GPM6B: variants seen among roughly 807,000 people sequenced by gnomAD.
GPM6B encodes the protein glycoprotein M6B.
Under a neutral mutation model 27.2 loss-of-function variants are expected in GPM6B, and 4 were observed. The observed-to-expected ratio is 0.15, with a 90% CI of 0.07 to 0.34. The LOEUF (loss-of-function observed/expected upper bound fraction) is 0.34, where lower values mean the gene tolerates loss of function less well. Ranked by LOEUF, GPM6B falls within the 10% of genes least tolerant of loss-of-function variation. The pLI, the probability that GPM6B is intolerant of heterozygous loss-of-function variation, is 1.00. For synonymous variants in GPM6B, 124 were observed against 103.1 expected, an observed-to-expected ratio of 1.20 and a Z score of -1.23; for missense variants, 183 against 261.9, an observed-to-expected ratio of 0.70 and a Z score of 2.08.
chrX:13,907,350 T>A (rs369110532), intron 1 of GPM6B, among the ~76,000 whole-genome samples: 1 of 112,448 alleles, frequency 8.9e-6, no homozygotes, highest in East Asian at 2.8e-4. Context: ...TAAACCCAGG[T>A]TCGTCTGACT....
intron 1 of GPM6B, among the ~76,000 whole-genome samples, chrX:13,922,967 G>A (rs1249137731): frequency 8.9e-6 from 1 of 112,073 alleles, no homozygotes; most frequent in Non-Finnish European, 1.9e-5. Context: ...CCTGAGGTCA[G>A]GAGTTTGAGA....
intron 4 of GPM6B, among the ~76,000 whole-genome samples, chrX:13,780,566 A>T (rs1289702989): frequency 8.9e-6 from 1 of 112,163 alleles, no homozygotes; most frequent in Admixed American, 9.4e-5. Flanking sequence ...ATAATCACGA[A>T]TACAAGCTTA....
At chrX:13,865,571 G>A (rs375167930) in intron 1 of GPM6B, among the ~76,000 whole-genome samples, 1,279 of 53,478 alleles carry the variant, frequency 0.024, no homozygotes, top group Middle Eastern at 0.053. Flanking sequence ...AAGAAAGAAA[G>A]AAAGAAAAGA....
intron 1 of GPM6B, among the ~76,000 whole-genome samples, chrX:13,914,122 A>C (rs1441757422): frequency 8.9e-6 from 1 of 112,072 alleles, no homozygotes. Flanking sequence ...TTGCAATGTT[A>C]ATGTGGAACA....
At chrX:13,842,936 G>GTGAATTACCAT (rs2049596677) in intron 1 of GPM6B, among the ~76,000 whole-genome samples, 1 of 111,074 alleles carries the variant, frequency 9.0e-6, no homozygotes, top group Admixed American at 9.5e-5. Flanking sequence ...TATTATCATT[G>GTGAATTACCAT]ACATACCATA....
Position 13,772,913 on chromosome X carries a change from G to A in GPM6B, c.955C>T (p.Arg319Trp), listed in dbSNP as rs753890304. ...EEQELQDIQS[R>W]SKEQLNSYT ...TAAGAATTGAGTTGTTCTTTTGACC[G>A]AGACTGGATATCTTGCAGTTCCTGT... The change falls in exon 8 of 8, where the codon CGG becomes TGG. Residue 319 changes from arginine to tryptophan, a missense_variant. Arg to Trp is a moderately radical substitution (Grantham distance 101, BLOSUM62 -3). Transcript: ENST00000316715. 5.0e-6 allele frequency: 6 copies of A among 1,210,305 alleles called. No homozygotes were observed. The East Asian group carries it at 8.9e-5, about 18-fold the overall frequency.
At chrX:13,820,993 G>A (rs1362200749), upstream of GPM6B, among the ~76,000 whole-genome samples, 2 of 111,560 alleles carry the variant, frequency 1.8e-5, no homozygotes, top group African/African-American at 3.3e-5. Context: ...ATTAGAAAAC[G>A]AGGGAAATAA....
At chrX:13,888,666 C>T (rs966183517) in intron 1 of GPM6B, among the ~76,000 whole-genome samples, 2 of 111,745 alleles carry the variant, frequency 1.8e-5, no homozygotes, top group East Asian at 2.8e-4. Flanking sequence ...CCACCACCAA[C>T]CCCCACCCCC....
rs777570768 is a variant in GPM6B at position 13,868,353 on chromosome X, GA to G, written c.-198+69973del. On this transcript the variant is annotated intron_variant, in intron 1 of 6. Coordinates refer to the GPM6B transcript ENST00000398361. ...CACCTCAGCAAAAAGTAAGATGACA[GA>G]GTCTGTTTGGTTTCTGGATTTTGAA... Among the ~76,000 whole-genome samples, 5 of 111,897 alleles carry G rather than the reference GA, an allele frequency of 4.5e-5. 1 individual carries two copies. In the East Asian group the frequency reaches 8.4e-4, roughly 19 times the overall value.
At chrX:13,938,567 G>C (rs11539022), upstream of GPM6B, 1 of 749,114 alleles carries the variant, frequency 1.3e-6, no homozygotes, top group Non-Finnish European at 1.7e-6. Flanking sequence ...CCCCGGGGAC[G>C]GGCAGAGCCG....
intron 2 of GPM6B, among the ~76,000 whole-genome samples, chrX:13,802,980 G>C (rs2048951138): frequency 8.9e-6 from 1 of 112,001 alleles, no homozygotes; most frequent in South Asian, 3.7e-4. Flanking sequence ...ACACGCAGAA[G>C]GATTAAGGGT....
At position 13,823,639 on chromosome X, in the gene GPM6B, C is replaced by A. The variant is rs145507751; in HGVS notation, c.-197-37831G>T. 3.9e-3 allele frequency among the ~76,000 whole-genome samples: 431 copies of A among 110,279 alleles called. 1 individual carries two copies. Among genetic ancestry groups the A allele is most frequent in the South Asian group, 0.024 (60 of 2,510 alleles). Reference sequence around the variant, plus strand: ...AGTTCAAGCGATTCTCCTGCCACAGCCTCCCAAATAGCTGGGACTATAGGC... The same window carrying A: ...AGTTCAAGCGATTCTCCTGCCACAGACTCCCAAATAGCTGGGACTATAGGC... On this transcript the variant is annotated intron_variant, in intron 1 of 6. Transcript: ENST00000398361.
chrX:13,825,052 TTCTTA>T (rs1055158465), intron 1 of GPM6B, among the ~76,000 whole-genome samples: 2 of 112,177 alleles, frequency 1.8e-5, no homozygotes. Context: ...TCTGTGTCTC[TTCTTA>T]TAAGGACACC....
In GPM6B at chrX:13,817,066, A is replaced by G. The variant is rs2049250258; in HGVS notation, c.-162T>C. 8.7e-6 allele frequency: 9 copies of G among 1,038,839 alleles called. No individual in the cohort carries two copies. Among genetic ancestry groups the G allele is most frequent in the Non-Finnish European group, 1.1e-5 (9 of 813,468 alleles). 85.6% of individuals were successfully genotyped at this position (1,038,839 alleles called of 1,213,427 possible). A position where few individuals can be genotyped will look rare whatever the true frequency, so the allele number is the denominator to read the frequency against. ...AGATTACAGTCCCTTCCAAGATGCA[A>G]AAGTCTTGTCAGCGTCAATTTCGCT... On this transcript the variant is annotated 5_prime_UTR_variant, in exon 1 of 8. Transcript: ENST00000316715.
At chrX:13,929,387 C>T (rs1921365537) in intron 1 of GPM6B, among the ~76,000 whole-genome samples, 1 of 109,371 alleles carries the variant, frequency 9.1e-6, no homozygotes, top group Admixed American at 9.7e-5. Flanking sequence ...GTCTGCAAAG[C>T]TCCCCATTAT....
At chrX:13,887,303 T>C (rs2050146875) in intron 1 of GPM6B, among the ~76,000 whole-genome samples, 2 of 112,369 alleles carry the variant, frequency 1.8e-5, no homozygotes, top group Admixed American at 9.4e-5. Context: ...TGTAGGGACA[T>C]CTTGGGGGAA....
intron 1 of GPM6B, among the ~76,000 whole-genome samples, chrX:13,874,172 T>C (rs924462043): frequency 2.7e-5 from 3 of 112,206 alleles, no homozygotes; most frequent in Non-Finnish European, 5.6e-5. Context: ...CAAATAAAGA[T>C]TAAGGCTCCT....
At chrX:13,880,533 G>A (rs780709280) in intron 1 of GPM6B, among the ~76,000 whole-genome samples, 8 of 108,808 alleles carry the variant, frequency 7.4e-5, no homozygotes, top group South Asian at 4.3e-4. Context: ...AAAATTAGCC[G>A]GGCGTGGTGG....
chrX:13,783,685 G>GC (rs1414137052), intron 3 of GPM6B, 164 bp from the exon 4 acceptor site: 1 of 479,231 alleles, frequency 2.1e-6, no homozygotes, highest in African/African-American at 2.4e-5. Context: ...CGGCATCCCT[G>GC]CCCATGTCCC....
Sources: gnomAD v4.1 joint callset for allele counts (sites outside exome capture counted in the v4.1 genomes callset) on GRCh38, gnomAD v4.1.1 for gene constraint, MANE v1.5 for transcripts, NCBI Gene and HGNC (gene_info 2026-07-23, HGNC 2026-07-21) for gene names.